CD22: variants seen among roughly 807,000 people sequenced by gnomAD.
CD22 encodes the protein CD22 molecule.
Under a neutral mutation model 94.7 loss-of-function variants are expected in CD22, and 51 were observed. The observed-to-expected ratio is 0.54, with a 90% CI of 0.43 to 0.68. The LOEUF is 0.68. Among genes scored for constraint, CD22 ranks in the 30% least tolerant of loss-of-function variants. The pLI is 0.00. For missense variants in CD22, 931 were observed against 1,060.4 expected, an observed-to-expected ratio of 0.88 and a Z score of 1.69; for synonymous variants, 424 against 422.5, an observed-to-expected ratio of 1.00 and a Z score of -0.04.
chr19:35,333,193 A>G (rs1008629034), intron 3 of CD22: 1 of 470,400 alleles, frequency 2.1e-6, no homozygotes, highest in Admixed American at 3.6e-5. Context: ...CTCACCATGT[A>G]TTTTTCAGCT....
chr19:35,334,451 T>C (rs1170727667), intron 3 of CD22, among the ~76,000 whole-genome samples: 2 of 152,232 alleles, frequency 1.3e-5, no homozygotes, highest in African/African-American at 2.4e-5. Flanking sequence ...TAGGTTCAGT[T>C]ATAGCACTGC....
chr19:35,338,702 C>T (rs980171955), intron 6 of CD22, among the ~76,000 whole-genome samples: 1 of 152,044 alleles, frequency 6.6e-6, no homozygotes, highest in Admixed American at 6.5e-5. Context: ...AATCTCGGCT[C>T]ACTGCAAGCT....
At chr19:35,344,056 T>G (rs2066860096) in intron 9 of CD22, among the ~76,000 whole-genome samples, 1 of 152,010 alleles carries the variant, frequency 6.6e-6, no homozygotes, top group African/African-American at 2.4e-5. Context: ...ATTAGCTGGG[T>G]GTGGTGGCGC....
At chr19:35,342,005 C>T (rs1568490084) in intron 9 of CD22, 40 bp downstream of exon 9, 17 of 1,528,358 alleles carry the variant, frequency 1.1e-5, no homozygotes, top group East Asian at 4.6e-5. Context: ...TGGTGGTGGT[C>T]AGTCCTTCCT....
In CD22 at chr19:35,338,200, C is replaced by T. The variant is rs765055212; in HGVS notation, c.1018C>T (p.His340Tyr). ...GGAACCTTCCACGGTTCAGATCCTC[C>T]ACTCACCGGCTGTGGAGGGAAGTCA... ...APEPSTVQIL[H>Y]SPAVEGSQVE... Residue 340 changes from histidine (H) to tyrosine (Y), a missense_variant, in exon 6 of 14, where the codon CAC becomes TAC. His to Tyr is a moderately conservative substitution (Grantham distance 83). Coordinates refer to ENST00000085219, the MANE Select transcript of CD22 (RefSeq NM_001771.4). 1.2e-5 allele frequency: 20 copies of T among 1,613,780 alleles called. No individual in the cohort carries two copies. The highest frequency in any genetic ancestry group is 3.4e-6 in the Non-Finnish European group (4 of 1,179,868).
Position 35,343,099 on chromosome 19 carries a change from A to ATTTT in CD22, c.2035+1149_2035+1152dup, listed in dbSNP as rs762734941. On this transcript the variant is annotated intron_variant, in intron 9 of 13. Transcript: ENST00000085219. Reference sequence around the variant, plus strand: ...AGGCGTGAGCCACCGCACCCGGCTGATTTTTTTTTTTTTTTTTTGAGACAG... The same window carrying ATTTT: ...AGGCGTGAGCCACCGCACCCGGCTGATTTTTTTTTTTTTTTTTTTTTTGAGACAG... Among the ~76,000 whole-genome samples the ATTTT allele has an allele frequency of 1.3e-3, 169 of 132,938 alleles. 2 individuals are homozygous for ATTTT. Among genetic ancestry groups the ATTTT allele is most frequent in the African/African-American group, 4.6e-3 (167 of 36,128 alleles). The allele number at this position is 132,938 out of a possible 152,430, so 87.2% of individuals were successfully genotyped here.
chr19:35,332,842 C>T lies in CD22; in HGVS notation c.330C>T (p.His110=). The T allele has an allele frequency of 6.2e-7, 1 of 1,614,160 alleles. No homozygotes were observed. ...KNCTLSIHPV[H]LNDSGQLGLR... ...GCACACTGAGTATCCACCCGGTGCA[C>T]CTCAATGACAGTGGTCAGCTGGGGC... Residue 110 remains histidine, a synonymous_variant, in exon 3 of 14, where the codon CAC becomes CAT. Transcript: ENST00000085219.
intron 5 of CD22, 60 bp from the exon 6 acceptor site, chr19:35,338,108 G>T (rs200901377): frequency 1.3e-6 from 2 of 1,576,160 alleles, no homozygotes; most frequent in Non-Finnish European, 1.7e-6. Context: ...TCTCGGGGCC[G>T]TGTGCACAGG....
Position 35,341,289 on chromosome 19 carries a change from G to T in CD22, c.1508-54G>T, listed in dbSNP as rs568538324. ...GGGCCAAGGGGAGGGGAGGCCTGGG[G>T]ACAGCAAAAGGGACAGGGAGCGGAG... On this transcript the variant is annotated intron_variant, in intron 7 of 13. Coordinates refer to ENST00000085219, the MANE Select transcript of CD22 (RefSeq NM_001771.4). This position sits in a 1 kb window ranked among gnomAD's most constrained non-coding sequence, Gnocchi z 4.0. The T allele has an allele frequency of 6.2e-7, 1 of 1,600,642 alleles. No individual in the cohort carries two copies. Among genetic ancestry groups the T allele is most frequent in the East Asian group, 2.2e-5 (1 of 44,674 alleles).
intron 9 of CD22, among the ~76,000 whole-genome samples, chr19:35,342,195 G>T (rs1367382530): frequency 6.7e-6 from 1 of 150,132 alleles, no homozygotes; most frequent in Non-Finnish European, 1.5e-5. Flanking sequence ...ATAGAGACAA[G>T]GTCTTACTCT....
Position 35,341,150 on chromosome 19 carries a change from G to A in CD22, c.1507+12G>A. 6.2e-7 allele frequency: 1 copy of A among 1,613,716 alleles called. No individual in the cohort carries two copies. Among genetic ancestry groups the A allele is most frequent in the Non-Finnish European group, 8.5e-7 (1 of 1,179,668 alleles). ...CCTGAATGTCCAGTGTGAGTCCCTG[G>A]GCTAGGCAGGGGGATCTGGGAGGTG... is the stretch of plus-strand genomic sequence containing the variant. On this transcript the variant is annotated intron_variant, in intron 7 of 13. Coordinates refer to ENST00000085219, the MANE Select transcript of CD22 (RefSeq NM_001771.4). The surrounding 1 kb of genome is among the most constrained non-coding windows in gnomAD (Gnocchi z 4.0).
At position 35,332,436 on chromosome 19, in the gene CD22, A is replaced by C. The variant is rs774700491; in HGVS notation, c.35-111A>C. ...AGGCCAGCTTGGACAACATAGCAAG[A>C]CCCCTATCTCTAAAAAGAATAAAAA... is the stretch of plus-strand genomic sequence containing the variant. On this transcript the variant is annotated intron_variant, in intron 2 of 13. Coordinates refer to ENST00000085219, the MANE Select transcript of CD22 (RefSeq NM_001771.4). 2.5e-4 allele frequency: 286 copies of C among 1,142,718 alleles called. 2 individuals carry two copies. The highest frequency in any genetic ancestry group is 9.4e-5 in the Non-Finnish European group (79 of 839,384). The allele number at this position is 1,142,718 out of a possible 1,614,324, so 70.8% of individuals were successfully genotyped here. A position where few individuals can be genotyped will look rare whatever the true frequency, so the allele number is the denominator to read the frequency against.
At chr19:35,342,026 C>CTTCCTTCT (rs2066819816) in intron 9 of CD22, 61 bp downstream of exon 9, 1 of 1,014,224 alleles carries the variant, frequency 9.9e-7, no homozygotes, top group Non-Finnish European at 1.4e-6. Context: ...TCCTTCCTTC[C>CTTCCTTCT]TTCCTTCCTT....
Position 35,345,584 on chromosome 19 carries a change from T to A in CD22, c.2209-18T>A. The A allele has an allele frequency of 6.6e-7, 1 of 1,510,156 alleles. No individual in the cohort carries two copies. 93.5% of individuals were successfully genotyped at this position (1,510,156 alleles called of 1,614,324 possible). ...TGGGGAACAGGTGGTTAGCACTTCA[T>A]CCTCGTCTCCCTCCCAGGTTAGAAG... On this transcript the variant is annotated intron_variant, in intron 11 of 13. Coordinates refer to ENST00000085219, the MANE Select transcript of CD22 (RefSeq NM_001771.4).
chr19:35,347,290 A>G lies in CD22; in HGVS notation c.*593A>G, dbSNP rs2066922063. 6.6e-6 allele frequency: 1 copy of G among 152,642 alleles called. No homozygotes were observed. Among genetic ancestry groups the G allele is most frequent in the Non-Finnish European group, 1.5e-5 (1 of 68,352 alleles). The allele number at this position is 152,642 out of a possible 1,614,324, so 9.5% of individuals were successfully genotyped here. A position where few individuals can be genotyped will look rare whatever the true frequency, so the allele number is the denominator to read the frequency against. On this transcript the variant is annotated 3_prime_UTR_variant, in exon 14 of 14. Coordinates refer to ENST00000085219, the MANE Select transcript of CD22 (RefSeq NM_001771.4). The stretch of plus-strand genomic sequence containing the variant: ...TGGGGACTCCGGGTTTGAGATGGAC[A>G]CACTGGTGTGGATTAACCTGCCAGG...
rs770304921 is a variant in CD22, at chr19:35,338,250, G to C, written c.1068G>C (p.Leu356=). Residue 356 remains leucine (L), a synonymous_variant, in exon 6 of 14, where the codon CTG becomes CTC. Coordinates refer to ENST00000085219, the MANE Select transcript of CD22 (RefSeq NM_001771.4). ...GSQVEFLCMS[L]ANPLPTNYTW... ...AAGTCGAGTTTCTTTGCATGTCACTGGCCAATCCTCTTCCAACAAATTACA... is the reference window on the plus strand; with the variant it reads ...AAGTCGAGTTTCTTTGCATGTCACTCGCCAATCCTCTTCCAACAAATTACA... 6.8e-6 allele frequency: 11 copies of C among 1,614,104 alleles called. No homozygotes were observed. Among genetic ancestry groups the C allele is most frequent in the Non-Finnish European group, 9.3e-6 (11 of 1,180,052 alleles).
At chr19:35,331,173 T>C (rs190432906) in intron 1 of CD22, 1 of 152,318 alleles carries the variant, frequency 6.6e-6, no homozygotes, top group African/African-American at 2.4e-5. Flanking sequence ...TCTGCCTGCC[T>C]TGGCATCCCA....
In CD22 at chr19:35,346,943, C is replaced by A; in HGVS notation, c.*246C>A. 2.2e-6 allele frequency: 1 copy of A among 445,082 alleles called. No homozygotes were observed. Among genetic ancestry groups the A allele is most frequent in the Non-Finnish European group, 4.0e-6 (1 of 250,430 alleles). The allele number at this position is 445,082 out of a possible 1,614,324, so 27.6% of individuals were successfully genotyped here. A position where few individuals can be genotyped will look rare whatever the true frequency, so the allele number is the denominator to read the frequency against. ...TGTTCTCTTCCACTCTCCTTGCTAC[C>A]CAGAAATCCATCTAAATACCTGCCC... is the stretch of plus-strand genomic sequence containing the variant. On this transcript the variant is annotated 3_prime_UTR_variant, in exon 14 of 14. Coordinates refer to ENST00000085219, the MANE Select transcript of CD22 (RefSeq NM_001771.4).
Position 35,338,064 on chromosome 19 carries a change from CA to C in CD22, c.985+44del, listed in dbSNP as rs2066750903. On this transcript the variant is annotated intron_variant, in intron 5 of 13. Transcript: ENST00000085219. ...GGGGACAGGCCAGGCAGGGAGGTAG[CA>C]GGGGTGGACCCGGAGAGGGGAGCCA... 3.2e-6 allele frequency: 5 copies of C among 1,582,080 alleles called. No homozygotes were observed. The Admixed American group carries it at 5.1e-5, about 16-fold the overall frequency.
Sources: gnomAD v4.1 joint callset for allele counts (sites outside exome capture counted in the v4.1 genomes callset) on GRCh38, gnomAD v4.1.1 for gene constraint, Gnocchi (gnomAD v3.1) non-coding constraint, MANE v1.5 for transcripts, NCBI Gene and HGNC (gene_info 2026-07-23, HGNC 2026-07-21) for gene names.